Variants in PLD1 observed in about 807,000 individuals in gnomAD.
PLD1 encodes choline phosphatase 1.
Under a neutral mutation model 137.1 loss-of-function variants are expected in PLD1, and 112 were observed. The observed-to-expected ratio is 0.82, with a 90% confidence interval of 0.70 to 0.96. The LOEUF is 0.96. Among genes scored for constraint, PLD1 ranks in the 40% least tolerant of loss-of-function variants. The pLI is 0.00. For synonymous variants in PLD1, 431 were observed against 454.7 expected, an observed-to-expected ratio of 0.95 and a Z score of 0.66; for missense variants, 1,321 against 1,342.0, an observed-to-expected ratio of 0.98 and a Z score of 0.24.
At chr3:171,806,814 A>G (rs1193205394) in intron 1 of PLD1, among the ~76,000 whole-genome samples, 1 of 152,244 alleles carries the variant, frequency 6.6e-6, no homozygotes, top group Non-Finnish European at 1.5e-5. Flanking sequence ...TCTGATAGAT[A>G]CTCAGGAGAG....
At chr3:171,785,766 T>C (rs1354138679) in intron 1 of PLD1, among the ~76,000 whole-genome samples, 1 of 152,226 alleles carries the variant, frequency 6.6e-6, no homozygotes, top group Non-Finnish European at 1.5e-5. Context: ...TTAGAGCACA[T>C]TTCAACTTGG....
intron 20 of PLD1, among the ~76,000 whole-genome samples, chr3:171,661,176 T>C (rs903269944): frequency 3.9e-5 from 6 of 152,138 alleles, no homozygotes; most frequent in South Asian, 2.1e-4. Context: ...GCCAGGCTCA[T>C]GAAACAAATA....
chr3:171,731,318 C>A (rs1405682648), intron 6 of PLD1, among the ~76,000 whole-genome samples: 1 of 152,084 alleles, frequency 6.6e-6, no homozygotes, highest in African/African-American at 2.4e-5. Context: ...CATGTAAATT[C>A]CAATCTCATT....
intron 23 of PLD1, among the ~76,000 whole-genome samples, chr3:171,622,086 C>T (rs1733687804): frequency 6.6e-6 from 1 of 152,186 alleles, no homozygotes; most frequent in South Asian, 2.1e-4. Flanking sequence ...GTATCATCTA[C>T]TCTCCTACAG....
chr3:171,800,590 G>A (rs1235471763), intron 1 of PLD1, among the ~76,000 whole-genome samples: 1 of 152,152 alleles, frequency 6.6e-6, no homozygotes, highest in Non-Finnish European at 1.5e-5. Context: ...ATTTAGAGAT[G>A]CTCCAGAAGT....
At chr3:171,799,264 A>C (rs1723550881) in intron 1 of PLD1, among the ~76,000 whole-genome samples, 1 of 142,872 alleles carries the variant, frequency 7.0e-6, no homozygotes, top group African/African-American at 2.6e-5. Context: ...GCTTGAACCC[A>C]GGCGGTGGAG....
intron 23 of PLD1, among the ~76,000 whole-genome samples, chr3:171,622,148 A>G (rs1733692910): frequency 6.6e-6 from 1 of 152,234 alleles, no homozygotes; most frequent in Non-Finnish European, 1.5e-5. Flanking sequence ...AGCTTTTCAA[A>G]GGAATCATGG....
chr3:171,609,484 T>C (rs1245075636), intron 25 of PLD1, among the ~76,000 whole-genome samples: 1 of 146,598 alleles, frequency 6.8e-6, no homozygotes, highest in Non-Finnish European at 1.5e-5. Flanking sequence ...CTAAATGTCC[T>C]GAGCAGACAA....
intron 1 of PLD1, among the ~76,000 whole-genome samples, chr3:171,760,729 A>AT (rs1721335799): frequency 6.6e-6 from 1 of 152,216 alleles, no homozygotes; most frequent in South Asian, 2.1e-4. Flanking sequence ...AGCCTGAGTC[A>AT]GCCTAGGATG....
At chr3:171,707,411 T>A (rs1314236629) in intron 11 of PLD1, among the ~76,000 whole-genome samples, 1 of 152,212 alleles carries the variant, frequency 6.6e-6, no homozygotes, top group Non-Finnish European at 1.5e-5. Context: ...TCAGAAATAT[T>A]TTTTAAAGAA....
chr3:171,774,235 G>C (rs972304294), intron 1 of PLD1, among the ~76,000 whole-genome samples: 1 of 152,208 alleles, frequency 6.6e-6, no homozygotes, highest in African/African-American at 2.4e-5. Context: ...TCAAATGCAA[G>C]GGCGGGGGAG....
intron 23 of PLD1, among the ~76,000 whole-genome samples, chr3:171,635,997 T>C (rs1449790120): frequency 8.6e-6 from 1 of 115,744 alleles, no homozygotes; most frequent in South Asian, 2.6e-4. Flanking sequence ...TTTTTTTTTT[T>C]GCAAGTGGAT....
intron 11 of PLD1, among the ~76,000 whole-genome samples, chr3:171,708,024 A>C (rs930385165): frequency 7.9e-5 from 12 of 152,354 alleles, no homozygotes; most frequent in African/African-American, 2.6e-4. Flanking sequence ...TAATTCAGGC[A>C]ACTACTACTA....
intron 9 of PLD1, among the ~76,000 whole-genome samples, chr3:171,710,089 G>A (rs1287090470): frequency 1.3e-5 from 2 of 151,928 alleles, no homozygotes; most frequent in Admixed American, 6.6e-5. Context: ...TTGAGATGGA[G>A]TCTCGCTCTG....
chr3:171,800,570 T>C (rs563863168), intron 1 of PLD1, among the ~76,000 whole-genome samples: 162 of 152,326 alleles, frequency 1.1e-3, no homozygotes, highest in African/African-American at 3.7e-3. Context: ...ATGCTCTGAT[T>C]AAATGTGGTA....
At chr3:171,634,780 T>C (rs1309589031) in intron 23 of PLD1, among the ~76,000 whole-genome samples, 2 of 152,174 alleles carry the variant, frequency 1.3e-5, no homozygotes, top group Non-Finnish European at 2.9e-5. Context: ...ATTTATAAAT[T>C]TTATACTACA....
chr3:171,682,021 C>T (rs541636126), intron 16 of PLD1, among the ~76,000 whole-genome samples: 3 of 151,936 alleles, frequency 2.0e-5, no homozygotes, highest in Admixed American at 6.6e-5. Flanking sequence ...ATGGGTGCAG[C>T]AAACCACTGT....
intron 23 of PLD1, among the ~76,000 whole-genome samples, chr3:171,637,879 C>A (rs1019071390): frequency 6.6e-5 from 10 of 151,868 alleles, no homozygotes; most frequent in Admixed American, 2.6e-4. Flanking sequence ...TATAAGAGAT[C>A]AAAAATGATA....
At chr3:171,807,305 G>A (rs1723890450) in intron 1 of PLD1, among the ~76,000 whole-genome samples, 1 of 147,966 alleles carries the variant, frequency 6.8e-6, no homozygotes, top group Non-Finnish European at 1.5e-5. Context: ...AAAAAAAAAA[G>A]TTTAAAAGGT....
Sources: gnomAD v4.1 joint callset for allele counts (sites outside exome capture counted in the v4.1 genomes callset) on GRCh38, gnomAD v4.1.1 for gene constraint, MANE v1.5 for transcripts, NCBI Gene and HGNC (gene_info 2026-07-23, HGNC 2026-07-21) for gene names.